Variants in UGT1A9 observed in about 807,000 individuals in gnomAD.
The protein encoded by UGT1A9 is UDP glucuronosyltransferase family 1 member A9.
Under a neutral mutation model 45.0 loss-of-function variants are expected in UGT1A9, and 35 were observed. The ratio of observed to expected loss-of-function variants is 0.78; its 90% confidence interval spans 0.59 to 1.03. The LOEUF is 1.03. Among genes scored for constraint, UGT1A9 ranks in the 50% least tolerant of loss-of-function variants. UGT1A9 has a pLI of 0.00. For synonymous variants in UGT1A9, 278 were observed against 250.6 expected, an observed-to-expected ratio of 1.11 and a Z score of -1.03; for missense variants, 687 against 666.6, an observed-to-expected ratio of 1.03 and a Z score of -0.34.
chr2:233,711,509 G>T (rs868625477), intron 1 of UGT1A9, among the ~76,000 whole-genome samples: 1 of 152,158 alleles, frequency 6.6e-6, no homozygotes, highest in Non-Finnish European at 1.5e-5. Flanking sequence ...CCTTTCTAGC[G>T]CTCTGTGTCC....
intron 1 of UGT1A9, among the ~76,000 whole-genome samples, chr2:233,677,078 C>G (rs192568371): frequency 2.3e-4 from 35 of 151,888 alleles, no homozygotes; most frequent in African/African-American, 8.0e-4. Context: ...TTAATGTGTG[C>G]AAAAATCCTG....
In UGT1A9 at chr2:233,672,783, G is replaced by A. The variant is rs1355332240; in HGVS notation, c.849G>A (p.Leu283=). 5.0e-6 allele frequency: 8 copies of A among 1,613,154 alleles called. No individual in the cohort carries two copies. The highest frequency in any genetic ancestry group is 1.3e-5 in the African/African-American group (1 of 74,902). Residue 283 remains leucine (L), a synonymous_variant, in exon 1 of 5, where the codon TTG becomes TTA. Transcript: ENST00000354728. ...TCAACTGCCATCAGGGAAAGCCGTT[G>A]CCTATGGTAAGTTATCTCTCCTTTA... is the stretch of plus-strand genomic sequence containing the variant. ...GGINCHQGKP[L]PMEFEAYINA...
intron 1 of UGT1A9, chr2:233,747,274 A>G: frequency 6.3e-7 from 1 of 1,599,206 alleles, no homozygotes; most frequent in Admixed American, 1.7e-5. Flanking sequence ...ACTCCTTCTC[A>G]GTGCCCAGCC....
chr2:233,712,904 C>T, intron 1 of UGT1A9: 1 of 1,609,906 alleles, frequency 6.2e-7, no homozygotes, highest in African/African-American at 1.3e-5. Flanking sequence ...TGCTAGGTGT[C>T]TCAGTGACAA....
intron 1 of UGT1A9, chr2:233,721,872 T>C: frequency 2.0e-6 from 1 of 500,280 alleles, no homozygotes. Context: ...TGGGCACACT[T>C]GCCAGCCCCT....
chr2:233,757,096 G>T (rs1286563968), intron 1 of UGT1A9, among the ~76,000 whole-genome samples: 1 of 151,374 alleles, frequency 6.6e-6, no homozygotes, highest in Non-Finnish European at 1.5e-5. Flanking sequence ...GAGGCAGAGG[G>T]AGGGGGCAAG....
intron 1 of UGT1A9, chr2:233,754,805 A>G (rs755961500): frequency 2.3e-6 from 3 of 1,294,912 alleles, no homozygotes; most frequent in South Asian, 2.4e-5. Context: ...TATCAAAAGA[A>G]GAAAAACCAC....
intron 1 of UGT1A9, chr2:233,693,888 G>A (rs745978624): frequency 6.2e-7 from 1 of 1,613,982 alleles, no homozygotes; most frequent in South Asian, 1.1e-5. Flanking sequence ...ATTTCTTTTG[G>A]ACTGCCTTGT....
intron 1 of UGT1A9, chr2:233,682,647 C>A (rs2074588513): frequency 6.2e-7 from 1 of 1,613,922 alleles, no homozygotes; most frequent in South Asian, 1.1e-5. Flanking sequence ...ATTCTCCAAA[C>A]CCCTGTCACG....
chr2:233,713,124 C>T lies in UGT1A9; in HGVS notation c.855+40335C>T, dbSNP rs746932812. 81 of 1,614,064 alleles carry T rather than the reference C, an allele frequency of 5.0e-5. No individual in the cohort carries two copies. In the East Asian group the frequency reaches 1.0e-3, roughly 20 times the overall value. On this transcript the variant is annotated intron_variant, in intron 1 of 4. Coordinates refer to ENST00000354728, the MANE Select transcript of UGT1A9 (RefSeq NM_021027.3). ...TGATGGCAGCCACTGGCTCAGCATG[C>T]GGGAGGCCTTGCGGGACCTCCATGC...
intron 1 of UGT1A9, among the ~76,000 whole-genome samples, chr2:233,694,880 G>A (rs997680070): frequency 2.0e-5 from 3 of 152,156 alleles, no homozygotes; most frequent in Non-Finnish European, 2.9e-5. Context: ...TACACATTTG[G>A]GGGGTTCATG....
rs772500318 is a variant in UGT1A9, at chr2:233,672,694, C to A, written c.760C>A (p.Arg254=). 6 of 1,613,794 alleles carry A rather than the reference C, an allele frequency of 3.7e-6. No homozygotes were observed. Among genetic ancestry groups the A allele is most frequent in the South Asian group, 1.1e-5 (1 of 91,080 alleles). ...CAGCCACACATCAATTTGGTTGTTGCGAACGGACTTTGTTTTGGACTATCC... is the reference window on the plus strand; with the variant it reads ...CAGCCACACATCAATTTGGTTGTTGAGAACGGACTTTGTTTTGGACTATCC... ...LYSHTSIWLL[R]TDFVLDYPKP... is the part of the protein sequence containing the mutation. The change falls in exon 1 of 5, where the codon CGA becomes AGA. Residue 254 remains arginine (R), a synonymous_variant. Coordinates refer to ENST00000354728, the MANE Select transcript of UGT1A9 (RefSeq NM_021027.3).
intron 1 of UGT1A9, among the ~76,000 whole-genome samples, chr2:233,705,974 G>A (rs7564360): frequency 0.94 from 142,961 of 152,236 alleles, 67,221 homozygotes; most frequent in East Asian, 1. Context: ...CTGTGGTTCC[G>A]GCTACTCAGG....
chr2:233,672,863 G>T (rs930073132), intron 1 of UGT1A9, 74 bp downstream of exon 1: 33 of 1,523,222 alleles, frequency 2.2e-5, no homozygotes, highest in Non-Finnish European at 2.8e-5. Context: ...TTACTGAACT[G>T]TGATTTGACA....
intron 1 of UGT1A9, among the ~76,000 whole-genome samples, chr2:233,737,002 C>G (rs534387073): frequency 6.6e-6 from 1 of 152,190 alleles, no homozygotes; most frequent in Non-Finnish European, 1.5e-5. Flanking sequence ...GTCAGGGACC[C>G]GCTTGAGGAG....
At chr2:233,674,527 C>T (rs2074287954) in intron 1 of UGT1A9, among the ~76,000 whole-genome samples, 1 of 152,040 alleles carries the variant, frequency 6.6e-6, no homozygotes, top group East Asian at 1.9e-4. Context: ...ACAGCGTCAC[C>T]CAGAGGCCTT....
At chr2:233,703,677 A>AT (rs1271383463) in intron 1 of UGT1A9, among the ~76,000 whole-genome samples, 3 of 151,838 alleles carry the variant, frequency 2.0e-5, no homozygotes, top group Non-Finnish European at 4.4e-5. Flanking sequence ...TTCATGATAT[A>AT]TTTTTTTTCC....
Position 233,678,025 on chromosome 2 carries a change from G to T in UGT1A9, c.855+5236G>T, listed in dbSNP as rs4663877. The stretch of plus-strand genomic sequence containing the variant: ...AAATCATGTCCTTTGTAACAACATG[G>T]ATGCAGCTGGAGGTCATTACCCTAA... On this transcript the variant is annotated intron_variant, in intron 1 of 4. Transcript: ENST00000354728. 2.6e-5 allele frequency among the ~76,000 whole-genome samples: 4 copies of T among 152,136 alleles called. No individual in the cohort carries two copies. In the South Asian group the frequency reaches 8.3e-4, roughly 32 times the overall value.
intron 1 of UGT1A9, chr2:233,721,450 G>C (rs970104665): frequency 6.0e-6 from 1 of 165,414 alleles, no homozygotes; most frequent in South Asian, 1.7e-4. Flanking sequence ...GTTATAGTGA[G>C]CACCCAATAA....
Sources: allele counts gnomAD v4.1 joint callset (sites outside exome capture counted in the v4.1 genomes callset), GRCh38; gene constraint gnomAD v4.1.1; transcripts MANE v1.5; gene names NCBI Gene and HGNC (gene_info 2026-07-23, HGNC 2026-07-21).